Variants in CCNQ observed in about 807,000 individuals in gnomAD.
CCNQ encodes the protein cyclin-Q.
CCNQ carries 3 observed loss-of-function variants against 17.7 expected under a neutral mutation model. The observed-to-expected ratio is 0.17, with a 90% CI of 0.08 to 0.44. CCNQ has a LOEUF of 0.44. Among genes scored for constraint, CCNQ ranks in the 20% least tolerant of loss-of-function variants. The pLI is 0.99. For missense variants in CCNQ, 146 were observed against 222.6 expected (o/e 0.66, Z 2.19); for synonymous variants, 73 against 96.0 (o/e 0.76, Z 1.40).
chrX:153,598,660 G>A (rs1326607596), intron 1 of CCNQ, among the ~76,000 whole-genome samples: 1 of 113,090 alleles, frequency 8.8e-6, no homozygotes, highest in Non-Finnish European at 1.9e-5. Flanking sequence ...CGCGGGTGCC[G>A]GCAGAAGGCG....
In CCNQ at chrX:153,596,042, C is replaced by T. The variant is rs781977080; in HGVS notation, c.258G>A (p.Gln86=). The change falls in exon 2 of 5, where the codon CAG becomes CAA. Residue 86 remains glutamine, a synonymous_variant. Transcript: ENST00000576892. ...SIYLAGKVEE[Q]HLRTRDIINV... is the part of the protein sequence containing the mutation. ...TGATGATGTCACGAGTCCGCAGGTGCTGCTCTTCCACTTTGCCGGCCAAGT... is the reference window on the plus strand; with the variant it reads ...TGATGATGTCACGAGTCCGCAGGTGTTGCTCTTCCACTTTGCCGGCCAAGT... The T allele has an allele frequency of 8.3e-7, 1 of 1,210,819 alleles. No individual in the cohort carries two copies. The highest frequency in any genetic ancestry group is 1.1e-6 in the Non-Finnish European group (1 of 895,407).
Position 153,595,963 on chromosome X carries a change from C to G in CCNQ, c.296+41G>C, listed in dbSNP as rs371929354. 8.0e-5 allele frequency: 96 copies of G among 1,205,029 alleles called. 1 individual carries two copies. In the South Asian group the frequency reaches 9.5e-4, roughly 12 times the overall value. Reference sequence around the variant, plus strand: ...ATAGGAGCCTTCCCTGCCCGTCCCCCCCACCGGGTGGAGATCAGGAGCCCA... The same window carrying G: ...ATAGGAGCCTTCCCTGCCCGTCCCCGCCACCGGGTGGAGATCAGGAGCCCA... On this transcript the variant is annotated intron_variant, in intron 2 of 4. Transcript: ENST00000576892.
chrX:153,591,664 C>T (rs1452272442), intron 4 of CCNQ, among the ~76,000 whole-genome samples: 16 of 110,926 alleles, frequency 1.4e-4, no homozygotes, highest in Admixed American at 1.3e-3. Flanking sequence ...CTGAGCAGCC[C>T]GAGCGTGGGG....
intron 4 of CCNQ, among the ~76,000 whole-genome samples, chrX:153,592,184 G>A (rs1470080370): frequency 8.9e-6 from 1 of 112,537 alleles, no homozygotes; most frequent in Non-Finnish European, 1.9e-5. Context: ...TGGGAAGCCA[G>A]GTTTAGTAAC....
In CCNQ at chrX:153,597,859, T is replaced by A. The variant is rs193300275; in HGVS notation, c.112+1103A>T. Among the ~76,000 whole-genome samples the A allele has an allele frequency of 3.6e-5, 4 of 111,266 alleles. No individual in the cohort carries two copies. The East Asian group carries it at 1.1e-3, about 31-fold the overall frequency. On this transcript the variant is annotated intron_variant, in intron 1 of 4. Transcript: ENST00000576892. The stretch of plus-strand genomic sequence containing the variant: ...ACTGACATGACCTTCCAAGCTTTGT[T>A]TTACAGAGCAAACCCCAATTTACAC...
chrX:153,592,668 A>C lies in CCNQ; in HGVS notation c.495T>G (p.Pro165=), dbSNP rs782086218. 4.1e-6 allele frequency: 5 copies of C among 1,211,508 alleles called. No individual in the cohort carries two copies. Among genetic ancestry groups the C allele is most frequent in the Non-Finnish European group, 5.6e-6 (5 of 895,203 alleles). Residue 165 remains proline (P), a synonymous_variant, in exon 4 of 5, where the codon CCT becomes CCG. Transcript: ENST00000576892. The part of the protein sequence containing the change: ...WLNRHSWQRT[P]VAVTAWALLR... ...GCAGGGCCCAGGCGGTGACGGCAAC[A>C]GGGGTCCGCTGCCAGCTGTGGCGGT...
At chrX:153,594,985 C>T (rs1025957585) in intron 2 of CCNQ, among the ~76,000 whole-genome samples, 2 of 112,818 alleles carry the variant, frequency 1.8e-5, no homozygotes, top group African/African-American at 6.4e-5. Flanking sequence ...CCAGAGGAAC[C>T]GGAAGCTTGA....
rs1038976230 is a variant in CCNQ, at chrX:153,594,395, A to C, written c.429+152T>G. ...GAGGCCGGGCGGCCAACCCAGCCAC[A>C]AACACAGAGCCAGGAGACCCAGTTC... On this transcript the variant is annotated intron_variant, in intron 3 of 4. Coordinates refer to ENST00000576892, the MANE Select transcript of CCNQ (RefSeq NM_152274.5). 70 of 791,758 alleles carry C rather than the reference A, an allele frequency of 8.8e-5. No homozygotes were observed. The African/African-American group carries it at 1.1e-3, about 12-fold the overall frequency. The allele number at this position is 791,758 out of a possible 1,213,427, so 65.2% of individuals were successfully genotyped here.
chrX:153,595,914 C>T (rs2091024181), intron 2 of CCNQ, 90 bp downstream of exon 2: 5 of 1,063,299 alleles, frequency 4.7e-6, no homozygotes, highest in Non-Finnish European at 6.6e-6. Context: ...AGCTCCATTG[C>T]TGGCACCTGG....
intron 3 of CCNQ, 149 bp from the exon 4 acceptor site, chrX:153,592,882 G>A (rs782282552): frequency 8.6e-5 from 47 of 544,417 alleles, no homozygotes; most frequent in Middle Eastern, 5.2e-4. Flanking sequence ...ATCTCCTGCC[G>A]ATCCCACCCT....
At chrX:153,595,082 C>T (rs1557026728) in intron 2 of CCNQ, among the ~76,000 whole-genome samples, 1 of 112,818 alleles carries the variant, frequency 8.9e-6, no homozygotes. Flanking sequence ...CCGGGGCTCT[C>T]ACTCTGGGCC....
At chrX:153,596,350 C>T (rs2091028494) in intron 1 of CCNQ, among the ~76,000 whole-genome samples, 163 bp from the exon 2 acceptor site, 1 of 111,814 alleles carries the variant, frequency 8.9e-6, no homozygotes, top group Non-Finnish European at 1.9e-5. Context: ...TTACTGGGCT[C>T]TCAGACTCTA....
At chrX:153,590,940 G>A (rs781917205) in intron 4 of CCNQ, among the ~76,000 whole-genome samples, 1 of 112,029 alleles carries the variant, frequency 8.9e-6, no homozygotes, top group East Asian at 2.8e-4. Flanking sequence ...ATTGCGTGAC[G>A]ACCTGCATCA....
rs2091024445 is a variant in CCNQ, at chrX:153,595,939, T to C, written c.296+65A>G. ...CTGGCACCTGGTGGGCAGGGCCCCA[T>C]AGGAGCCTTCCCTGCCCGTCCCCCC... On this transcript the variant is annotated intron_variant, in intron 2 of 4. Coordinates refer to ENST00000576892, the MANE Select transcript of CCNQ (RefSeq NM_152274.5). 15 of 1,174,956 alleles carry C rather than the reference T, an allele frequency of 1.3e-5. No individual in the cohort carries two copies. In the South Asian group the frequency reaches 2.7e-4, roughly 21 times the overall value.
intron 4 of CCNQ, 128 bp downstream of exon 4, chrX:153,592,378 G>A (rs1428636805): frequency 8.6e-6 from 6 of 694,835 alleles, no homozygotes; most frequent in African/African-American, 6.4e-5. Context: ...GGGTACTTTC[G>A]AGCTTCCATG....
At position 153,588,383 on chromosome X, in the gene CCNQ, C is replaced by T; in HGVS notation, c.729G>A (p.Met243Ile). 8.3e-7 allele frequency: 1 copy of T among 1,209,737 alleles called. No individual in the cohort carries two copies. The highest frequency in any genetic ancestry group is 1.1e-6 in the Non-Finnish European group (1 of 893,267). The change falls in exon 5 of 5, where the codon ATG (methionine) becomes ATA (isoleucine). Residue 243 changes from methionine (M) to isoleucine (I), a missense_variant. Physicochemically the swap from Met to Ile is conservative, Grantham distance 10. Transcript: ENST00000576892. Reference sequence around the variant, plus strand: ...CAGGACCTTAGGGGATCTCTGTGTCCATGGTATAAATCTGAATGAGATCAG... The same window carrying T: ...CAGGACCTTAGGGGATCTCTGTGTCTATGGTATAAATCTGAATGAGATCAG... Reference protein sequence around the residue: ...IVSDLIQIYTMDTEIP With the variant: ...IVSDLIQIYTIDTEIP
intron 1 of CCNQ, among the ~76,000 whole-genome samples, chrX:153,598,644 C>A (rs1557027596): frequency 8.8e-6 from 1 of 113,376 alleles, no homozygotes; most frequent in Non-Finnish European, 1.9e-5. Flanking sequence ...TACCGGAGTG[C>A]AGGGCCGCGG....
At chrX:153,594,727 G>A (rs1439491161) in intron 2 of CCNQ, 48 bp from the exon 3 acceptor site, 2 of 1,184,073 alleles carry the variant, frequency 1.7e-6, no homozygotes, top group African/African-American at 3.5e-5. Flanking sequence ...AGTCTCCTGA[G>A]CACTGGATGG....
chrX:153,588,947 C>T (rs537531914), intron 4 of CCNQ, among the ~76,000 whole-genome samples: 2 of 113,209 alleles, frequency 1.8e-5, no homozygotes. Flanking sequence ...ACTCGCAAGA[C>T]GGCGAAGGAC....
Sources: gnomAD v4.1 joint callset for allele counts (sites outside exome capture counted in the v4.1 genomes callset) on GRCh38, gnomAD v4.1.1 for gene constraint, MANE v1.5 for transcripts, NCBI Gene and HGNC (gene_info 2026-07-23, HGNC 2026-07-21) for gene names.